KLHDC4: variants seen among roughly 807,000 people sequenced by gnomAD.
KLHDC4 encodes kelch domain-containing protein 4.
KLHDC4 carries 90 observed loss-of-function variants against 62.4 expected under a neutral mutation model. The ratio of observed to expected loss-of-function variants is 1.44; its 90% CI spans 1.22 to 1.72. KLHDC4 has a LOEUF of 1.72. Among genes scored for constraint, KLHDC4 ranks in the 40% most tolerant of loss-of-function variants. The pLI, the probability that KLHDC4 is intolerant of heterozygous loss-of-function variation, is 0.00. For missense variants in KLHDC4, 1,025 were observed against 699.7 expected, an observed-to-expected ratio of 1.47 and a Z score of -5.25; for synonymous variants, 386 against 284.4, an observed-to-expected ratio of 1.36 and a Z score of -3.59.
chr16:87,711,540 G>C (rs948461527), intron 8 of KLHDC4, 97 bp from the exon 9 acceptor site: 1 of 1,052,050 alleles, frequency 9.5e-7, no homozygotes, highest in Non-Finnish European at 1.3e-6. Context: ...CCCCCAGAAT[G>C]GGGTAAATGA....
intron 7 of KLHDC4, among the ~76,000 whole-genome samples, chr16:87,723,779 G>T (rs73244204): frequency 3.5e-4 from 54 of 152,392 alleles, no homozygotes; most frequent in African/African-American, 1.3e-3. Flanking sequence ...CTATGTTCCT[G>T]CAGGCATGTG....
downstream of KLHDC4, among the ~76,000 whole-genome samples, chr16:87,706,875 G>C (rs1349823261): frequency 6.6e-6 from 1 of 152,200 alleles, no homozygotes; most frequent in Non-Finnish European, 1.5e-5. Context: ...CAAGGGAGCG[G>C]GGAGGTGCTC....
intron 6 of KLHDC4, among the ~76,000 whole-genome samples, chr16:87,727,943 T>C (rs1020027070): frequency 6.6e-6 from 1 of 152,066 alleles, no homozygotes; most frequent in South Asian, 2.1e-4. Context: ...CCCAGCACTT[T>C]GGGAGTCTCA....
chr16:87,728,507 G>C (rs1405540401), intron 6 of KLHDC4, among the ~76,000 whole-genome samples: 2 of 152,118 alleles, frequency 1.3e-5, no homozygotes, highest in African/African-American at 4.8e-5. Flanking sequence ...AAAAAGTTCT[G>C]ATTTTAAAAT....
intron 8 of KLHDC4, among the ~76,000 whole-genome samples, chr16:87,714,228 C>A (rs188058501): frequency 6.6e-6 from 1 of 152,344 alleles, no homozygotes; most frequent in East Asian, 1.9e-4. Context: ...GTGCTCACTG[C>A]TCCACAGAGG....
chr16:87,721,571 C>T (rs574664089), intron 7 of KLHDC4, among the ~76,000 whole-genome samples: 2 of 152,060 alleles, frequency 1.3e-5, no homozygotes, highest in Non-Finnish European at 2.9e-5. Flanking sequence ...GAGCTGGGCA[C>T]GGACCTCAGG....
At chr16:87,708,512 C>A in intron 10 of KLHDC4, 46 bp from the exon 11 acceptor site, 1 of 1,459,324 alleles carries the variant, frequency 6.9e-7, no homozygotes, top group Non-Finnish European at 9.3e-7. Flanking sequence ...GCAGCTGAGG[C>A]AGGTGGGGGA....
chr16:87,729,528 A>T (rs1484222771), intron 6 of KLHDC4, among the ~76,000 whole-genome samples: 1 of 152,204 alleles, frequency 6.6e-6, no homozygotes, highest in Non-Finnish European at 1.5e-5. Flanking sequence ...CTTATGACAG[A>T]AACAGGGATA....
At chr16:87,764,931 G>C (rs1017308419) in intron 1 of KLHDC4, 5 of 350,290 alleles carry the variant, frequency 1.4e-5, no homozygotes, top group Admixed American at 1.1e-4. Context: ...CAATGACTTA[G>C]GAAGAAAAGG....
chr16:87,723,226 C>G (rs1221660539), intron 7 of KLHDC4, among the ~76,000 whole-genome samples: 1 of 152,238 alleles, frequency 6.6e-6, no homozygotes, highest in African/African-American at 2.4e-5. Flanking sequence ...AAACCATTCA[C>G]AACTCAAATC....
chr16:87,752,189 T>A (rs2044104290), intron 4 of KLHDC4, among the ~76,000 whole-genome samples: 1 of 150,148 alleles, frequency 6.7e-6, no homozygotes. Context: ...GGAGGATCGT[T>A]TGAGCCCAGG....
chr16:87,701,924 C>T lies in KLHDC4; in HGVS notation c.591G>A (p.Gly197=), dbSNP rs1489486138. 7 of 456,166 alleles carry T rather than the reference C, an allele frequency of 1.5e-5. No homozygotes were observed. In the Admixed American group the frequency reaches 1.6e-4, roughly 11 times the overall value. The allele number at this position is 456,166 out of a possible 1,614,324, so 28.3% of individuals were successfully genotyped here. A position where few individuals can be genotyped will look rare whatever the true frequency, so the allele number is the denominator to read the frequency against. Reference sequence around the variant, plus strand: ...TCTGCTGTGCACGTGCTCCCTCGGGCCCTCCCAGCAGTGGTAGATGGGGCT... The same window carrying T: ...TCTGCTGTGCACGTGCTCCCTCGGGTCCTCCCAGCAGTGGTAGATGGGGCT... Residue 197 remains glycine, a synonymous_variant, in exon 1 of 1, where the codon GGG becomes GGA. Coordinates refer to the KLHDC4 transcript ENST00000446344.
At chr16:87,700,885 G>A (rs1225355719) in exon 1 of KLHDC4, 5 of 263,396 alleles carry the variant, frequency 1.9e-5, no homozygotes, top group Non-Finnish European at 3.7e-5. Context: ...GGAGGGCGGA[G>A]GGAGGAAGCT....
chr16:87,709,887 G>C (rs1200160764), intron 9 of KLHDC4: 1 of 590,382 alleles, frequency 1.7e-6, no homozygotes, highest in Non-Finnish European at 2.9e-6. Context: ...TCCTGGGCTG[G>C]GGCAGAAAAC....
In KLHDC4 at chr16:87,709,399, G is replaced by A; in HGVS notation, c.1313C>T (p.Ala438Val). Residue 438 changes from alanine (A) to valine (V), a missense_variant, in exon 10 of 12, where the codon GCT (alanine) becomes GTT (valine). Coordinates refer to ENST00000270583, the MANE Select transcript of KLHDC4 (RefSeq NM_017566.4). ...GPCPRSNAML[A>V]VKHGVLYVYG... is the part of the protein sequence containing the mutation. The stretch of plus-strand genomic sequence containing the variant: ...GACGTAGAGCACCCCATGCTTCACA[G>A]CCAGCATGGCGTTGGAGCGTGGACA... The A allele has an allele frequency of 6.2e-7, 1 of 1,613,346 alleles. No individual in the cohort carries two copies. Among genetic ancestry groups the A allele is most frequent in the Non-Finnish European group, 8.5e-7 (1 of 1,179,934 alleles).
downstream of KLHDC4, among the ~76,000 whole-genome samples, chr16:87,704,189 C>T (rs535307804): frequency 3.3e-5 from 5 of 152,372 alleles, no homozygotes; most frequent in South Asian, 6.2e-4. Flanking sequence ...CCACGTCCAG[C>T]GCGGGGTCTC....
At chr16:87,743,068 G>C (rs1000912501) in intron 5 of KLHDC4, 3 of 152,344 alleles carry the variant, frequency 2.0e-5, no homozygotes, top group Admixed American at 6.5e-5. Context: ...AGAACCATCA[G>C]ACATGAGGTC....
At chr16:87,714,987 T>C (rs2036649350) in intron 7 of KLHDC4, among the ~76,000 whole-genome samples, 1 of 152,214 alleles carries the variant, frequency 6.6e-6, no homozygotes. Context: ...AAGTTACTAC[T>C]GTGTGCAGAG....
At position 87,765,947 on chromosome 16, in the gene KLHDC4, C is replaced by T; in HGVS notation, c.-57G>A. The T allele has an allele frequency of 1.3e-6, 2 of 1,503,148 alleles. No individual in the cohort carries two copies. The highest frequency in any genetic ancestry group is 1.8e-6 in the Non-Finnish European group (2 of 1,107,716). The allele number at this position is 1,503,148 out of a possible 1,614,324, so 93.1% of individuals were successfully genotyped here. ...AGGAAAGAAAACGGCCCGCGCTCTCCGCTCGGAAACAGGTGCTCGTGGGGC... is the reference window on the plus strand; with the variant it reads ...AGGAAAGAAAACGGCCCGCGCTCTCTGCTCGGAAACAGGTGCTCGTGGGGC... On this transcript the variant is annotated 5_prime_UTR_variant, in exon 1 of 12. Transcript: ENST00000270583.
Sources: allele counts gnomAD v4.1 joint callset (sites outside exome capture counted in the v4.1 genomes callset), GRCh38; gene constraint gnomAD v4.1.1; transcripts MANE v1.5; gene names NCBI Gene and HGNC (gene_info 2026-07-23, HGNC 2026-07-21).